The following NAP1L1 variants were observed in gnomAD, a reference collection of about 807,000 sequenced individuals.
NAP1L1 encodes nucleosome assembly protein 1 like 1, also known as nucleosome assembly protein 1-like 1.
NAP1L1 carries 9 observed loss-of-function variants against 58.9 expected under a neutral mutation model. The observed-to-expected ratio is 0.15, with a 90% CI of 0.09 to 0.27. NAP1L1 has a LOEUF of 0.27. NAP1L1 is among the 10% of genes least tolerant of loss of function. NAP1L1 has a pLI of 1.00. For missense variants in NAP1L1, 302 were observed against 458.8 expected, an observed-to-expected ratio of 0.66 and a Z score of 3.12; for synonymous variants, 130 against 138.3, an observed-to-expected ratio of 0.94 and a Z score of 0.42.
chr12:76,049,003 A>C (rs1216579300), intron 14 of NAP1L1, 197 bp downstream of exon 14: 2 of 567,516 alleles, frequency 3.5e-6, no homozygotes, highest in Admixed American at 6.7e-5. Context: ...CAAACAAAAA[A>C]CAATGTTTTT....
Position 76,048,450 on chromosome 12 carries a change from T to C in NAP1L1, c.1155A>G (p.Pro385=), listed in dbSNP as rs1300316784. ...PDYDPKKDQN[P]AECKQQ ...TGCTTCACTGCTGCTTGCACTCTGC[T>C]GGGTTTTGATCCTTCTGTTAAAGGA... The change falls in exon 15 of 15, where the codon CCA becomes CCG. Residue 385 remains proline, a synonymous_variant. Coordinates refer to ENST00000618691, the MANE Select transcript of NAP1L1 (RefSeq NM_004537.7). 1.2e-6 allele frequency: 2 copies of C among 1,613,750 alleles called. No homozygotes were observed. The highest frequency in any genetic ancestry group is 3.3e-5 in the Admixed American group (2 of 60,008).
Position 76,049,231 on chromosome 12 carries a change from T to C in NAP1L1, c.1109A>G (p.Asp370Gly), listed in dbSNP as rs1453299502. Residue 370 changes from aspartate (D) to glycine (G), a missense_variant, in exon 14 of 15, where the codon GAT (aspartate) becomes GGT (glycine). Asp to Gly is a moderately conservative substitution (Grantham distance 94). Transcript: ENST00000618691. Reference protein sequence around the residue: ...EADEEGEEEGDEENDPDYDPK... With the variant: ...EADEEGEEEGGEENDPDYDPK... ...GTCATAGTCTGGATCATTTTCCTCATCTCCTTCTTCTTCCCCTTCCTATAT... is the reference window on the plus strand; with the variant it reads ...GTCATAGTCTGGATCATTTTCCTCACCTCCTTCTTCTTCCCCTTCCTATAT... 1.9e-6 allele frequency: 3 copies of C among 1,613,488 alleles called. No homozygotes were observed. Among genetic ancestry groups the C allele is most frequent in the Non-Finnish European group, 2.5e-6 (3 of 1,179,734 alleles).
chr12:76,052,473 AATTCAAAAGT>A (rs1781316970), intron 11 of NAP1L1, among the ~76,000 whole-genome samples: 1 of 152,220 alleles, frequency 6.6e-6, no homozygotes, highest in African/African-American at 2.4e-5. Flanking sequence ...AGAGTATTCC[AATTCAAAAGT>A]ATTCAGTTTA....
Position 76,048,418 on chromosome 12 carries a change from T to A in NAP1L1, c.*11A>T. 6.2e-7 allele frequency: 1 copy of A among 1,613,328 alleles called. No individual in the cohort carries two copies. The highest frequency in any genetic ancestry group is 8.5e-7 in the Non-Finnish European group (1 of 1,179,650). On this transcript the variant is annotated 3_prime_UTR_variant, in exon 15 of 15. Coordinates refer to ENST00000618691, the MANE Select transcript of NAP1L1 (RefSeq NM_004537.7). ...AGTGCAGGTTATCCTCAAGGCCACA[T>A]ACATCCTGCTTCACTGCTGCTTGCA...
At position 76,048,476 on chromosome 12, in the gene NAP1L1, AAAC is replaced by A. The variant is rs759888596; in HGVS notation, c.1141-15_1141-13del. 8.1e-6 allele frequency: 13 copies of A among 1,613,528 alleles called. No individual in the cohort carries two copies. The highest frequency in any genetic ancestry group is 6.7e-5 in the Admixed American group (4 of 59,992). On this transcript the variant is annotated splice_polypyrimidine_tract_variant and intron_variant, in intron 14 of 14. Transcript: ENST00000618691. ...GGGTTTTGATCCTTCTGTTAAAGGA[AAAC>A]AACAAGTCAATCTATCTTCTTCTAC...
chr12:76,062,361 A>T (rs1216141811), intron 4 of NAP1L1, among the ~76,000 whole-genome samples: 1 of 152,086 alleles, frequency 6.6e-6, no homozygotes, highest in African/African-American at 2.4e-5. Flanking sequence ...CTTGTCACAG[A>T]CCTTCATTTC....
chr12:76,070,535 T>C (rs1305296402), intron 2 of NAP1L1, among the ~76,000 whole-genome samples: 2 of 152,216 alleles, frequency 1.3e-5, no homozygotes, highest in African/African-American at 4.8e-5. Context: ...TGAACATCTA[T>C]ATCCAAAGGC....
In NAP1L1 at chr12:76,055,077, G is replaced by A. The variant is rs147850219; in HGVS notation, c.572C>T (p.Pro191Leu). 4 of 1,597,742 alleles carry A rather than the reference G, an allele frequency of 2.5e-6. No homozygotes were observed. In the African/African-American group the frequency reaches 5.4e-5, roughly 21 times the overall value. The change falls in exon 8 of 15, where the codon CCT becomes CTT. Residue 191 changes from proline to leucine, a missense_variant. Transcript: ENST00000618691. ...LSDMVQEHDE[P>L]ILKHLKDIKV... ...AATATCTTTCAAGTGCTTCAGAATA[G>A]GTTCATCGTGTTCCTTCAAATTAAA...
chr12:76,060,117 CA>C lies in NAP1L1; in HGVS notation c.348+20del. The stretch of plus-strand genomic sequence containing the variant: ...TCGTCTTCTAGAATGTTAAATTAAA[CA>C]AAGTAGGAGAAAGCATTACCTTATC... On this transcript the variant is annotated intron_variant, in intron 5 of 14. Transcript: ENST00000618691. 1 of 1,603,174 alleles carries C rather than the reference CA, an allele frequency of 6.2e-7. No homozygotes were observed. The highest frequency in any genetic ancestry group is 1.1e-5 in the South Asian group (1 of 89,820).
chr12:76,047,473 C>A lies in NAP1L1; in HGVS notation c.*956G>T, dbSNP rs1199452579. ...TTGCTTATTAGTATAGCATCTCGTT[C>A]CAAAGCTGGTACCTTTTCTTCAACA... On this transcript the variant is annotated 3_prime_UTR_variant, in exon 15 of 15. Transcript: ENST00000618691. 2 of 146,082 alleles carry A rather than the reference C, an allele frequency of 1.4e-5. No homozygotes were observed. Among genetic ancestry groups the A allele is most frequent in the African/African-American group, 5.1e-5 (2 of 39,204 alleles). 9.0% of individuals were successfully genotyped at this position (146,082 alleles called of 1,614,324 possible). A position where few individuals can be genotyped will look rare whatever the true frequency, so the allele number is the denominator to read the frequency against.
intron 1 of NAP1L1, among the ~76,000 whole-genome samples, chr12:76,076,607 C>A (rs182229873): frequency 1.5e-5 from 2 of 132,876 alleles, no homozygotes; most frequent in African/African-American, 5.6e-5. Flanking sequence ...CACTCATATA[C>A]GCACATACTT....
rs892801602 is a variant in NAP1L1, at chr12:76,049,897, T to G, written c.1060-112A>C. ...AGTGTCTAAAAAGAGAAAACCTACT[T>G]TCCTATCAAGGGGCTGATTATAAAT... On this transcript the variant is annotated intron_variant, in intron 12 of 14. Transcript: ENST00000618691. 2.6e-6 allele frequency: 3 copies of G among 1,171,242 alleles called. No homozygotes were observed. In the African/African-American group the frequency reaches 4.6e-5, roughly 18 times the overall value. The allele number at this position is 1,171,242 out of a possible 1,614,324, so 72.6% of individuals were successfully genotyped here. A position where few individuals can be genotyped will look rare whatever the true frequency, so the allele number is the denominator to read the frequency against.
intron 13 of NAP1L1, 100 bp downstream of exon 13, chr12:76,049,656 A>G (rs1948729640): frequency 1.3e-6 from 2 of 1,554,192 alleles, no homozygotes; most frequent in East Asian, 2.2e-5. Context: ...TTTTTATCCC[A>G]AATCACAGAA....
rs773327000 is a variant in NAP1L1, at chr12:76,038,429, T to C, written c.*10000A>G. On this transcript the variant is annotated 3_prime_UTR_variant, in exon 15 of 15. Transcript: ENST00000618691. ...CCACAAAACACACAGCCTGAGGACA[T>C]AGGCTGTTCAATTTGATCACTATTG... The C allele has an allele frequency of 7.9e-5, 12 of 152,108 alleles. No homozygotes were observed. The highest frequency in any genetic ancestry group is 1.9e-4 in the African/African-American group (8 of 41,414). 9.4% of individuals were successfully genotyped at this position (152,108 alleles called of 1,614,324 possible). A position where few individuals can be genotyped will look rare whatever the true frequency, so the allele number is the denominator to read the frequency against.
intron 4 of NAP1L1, among the ~76,000 whole-genome samples, chr12:76,065,207 A>C (rs1373018942): frequency 1.3e-5 from 2 of 152,106 alleles, no homozygotes; most frequent in Non-Finnish European, 2.9e-5. Flanking sequence ...AATATACTGA[A>C]GGGAAAAGTT....
intron 1 of NAP1L1, among the ~76,000 whole-genome samples, chr12:76,081,065 C>T (rs1049040919): frequency 1.0e-5 from 1 of 98,832 alleles, no homozygotes; most frequent in Non-Finnish European, 2.0e-5. Context: ...TCTATAACTG[C>T]AAGAAATAAA....
chr12:76,059,599 G>T, intron 6 of NAP1L1, 199 bp downstream of exon 6: 1 of 500,720 alleles, frequency 2.0e-6, no homozygotes, highest in Non-Finnish European at 3.5e-6. Context: ...GCTGCTTATT[G>T]CCATGCAAAT....
intron 1 of NAP1L1, among the ~76,000 whole-genome samples, chr12:76,078,887 TAATACGC>T (rs1950294497): frequency 6.6e-6 from 1 of 152,140 alleles, no homozygotes. Context: ...TTGAAGAAGT[TAATACGC>T]AATAATTTTC....
At chr12:76,078,436 T>C (rs898568423) in intron 1 of NAP1L1, among the ~76,000 whole-genome samples, 1 of 152,046 alleles carries the variant, frequency 6.6e-6, no homozygotes, top group African/African-American at 2.4e-5. Context: ...CCTTAAAAAA[T>C]TCATACAAGT....
Sources: gnomAD v4.1 joint callset for allele counts (sites outside exome capture counted in the v4.1 genomes callset) on GRCh38, gnomAD v4.1.1 for gene constraint, MANE v1.5 for transcripts, NCBI Gene and HGNC (gene_info 2026-07-23, HGNC 2026-07-21) for gene names.